The following TMPRSS11F variants were observed in gnomAD, a reference collection of about 807,000 sequenced individuals.
TMPRSS11F encodes transmembrane protease serine 11F.
Under a neutral mutation model 60.2 loss-of-function variants are expected in TMPRSS11F, and 47 were observed. That is an observed-to-expected ratio of 0.78 (90% confidence interval 0.62 to 1.00). The LOEUF (loss-of-function observed/expected upper bound fraction) is 1.00. TMPRSS11F is among the 50% of genes least tolerant of loss of function. TMPRSS11F has a pLI of 0.00. For synonymous variants in TMPRSS11F, 166 were observed against 167.3 expected, an observed-to-expected ratio of 0.99 and a Z score of 0.06; for missense variants, 519 against 522.9, an observed-to-expected ratio of 0.99 and a Z score of 0.07.
intron 1 of TMPRSS11F, among the ~76,000 whole-genome samples, chr4:68,105,015 C>A (rs951665414): frequency 1.5e-5 from 2 of 135,872 alleles, no homozygotes; most frequent in African/African-American, 5.5e-5. Flanking sequence ...GTGATGCTGG[C>A]CTTGTAAAAT....
chr4:68,084,344 A>G (rs1245575478), intron 3 of TMPRSS11F, among the ~76,000 whole-genome samples: 3 of 152,198 alleles, frequency 2.0e-5, no homozygotes, highest in Non-Finnish European at 4.4e-5. Flanking sequence ...ATATAAGACA[A>G]CAATCCTCAA....
intron 1 of TMPRSS11F, among the ~76,000 whole-genome samples, chr4:68,113,727 AG>A (rs1391147791): frequency 6.6e-6 from 1 of 152,190 alleles, no homozygotes; most frequent in Non-Finnish European, 1.5e-5. Context: ...CTGATAAAGT[AG>A]ACAAAAATTG....
intron 8 of TMPRSS11F, chr4:68,062,839 C>T (rs1248134531): frequency 3.9e-6 from 3 of 772,490 alleles, no homozygotes; most frequent in Non-Finnish European, 7.1e-6. Context: ...GTAGAGTTAA[C>T]TTAACATATG....
At chr4:68,091,790 T>C (rs1723943555) in intron 2 of TMPRSS11F, among the ~76,000 whole-genome samples, 1 of 68,848 alleles carries the variant, frequency 1.5e-5, no homozygotes, top group South Asian at 5.1e-4. Context: ...TCTCTATCTA[T>C]CTATCTATCT....
intron 2 of TMPRSS11F, among the ~76,000 whole-genome samples, chr4:68,092,102 A>G (rs982935342): frequency 6.6e-6 from 1 of 152,110 alleles, no homozygotes; most frequent in African/African-American, 2.4e-5. Context: ...CCAATCTCTT[A>G]CTGCATTTTA....
Position 68,098,872 on chromosome 4 carries a change from G to A in TMPRSS11F, c.163+15C>T. On this transcript the variant is annotated intron_variant, in intron 2 of 9. Coordinates refer to ENST00000356291, the MANE Select transcript of TMPRSS11F (RefSeq NM_207407.2). ...TGGAGTACTTAGGCAATGGAACTGT[G>A]ACCTGGATACTTACCCTCAACAACA... The A allele has an allele frequency of 6.2e-7, 1 of 1,602,802 alleles. No homozygotes were observed. Among genetic ancestry groups the A allele is most frequent in the Non-Finnish European group, 8.5e-7 (1 of 1,174,634 alleles).
intron 1 of TMPRSS11F, among the ~76,000 whole-genome samples, chr4:68,107,545 C>T (rs922228114): frequency 6.6e-6 from 1 of 152,034 alleles, no homozygotes; most frequent in African/African-American, 2.4e-5. Context: ...GAGGTAGGAG[C>T]AGACTTGGTG....
At chr4:68,129,042 G>A (rs578159136) in intron 1 of TMPRSS11F, among the ~76,000 whole-genome samples, 1 of 152,212 alleles carries the variant, frequency 6.6e-6, no homozygotes, top group African/African-American at 2.4e-5. Flanking sequence ...CAGAACATGT[G>A]GGAAATTTGT....
At chr4:68,078,516 TTA>T (rs1384144295) in intron 3 of TMPRSS11F, among the ~76,000 whole-genome samples, 2 of 152,198 alleles carry the variant, frequency 1.3e-5, no homozygotes, top group East Asian at 3.8e-4. Flanking sequence ...GGAGTGTGAT[TTA>T]TGTTTATATA....
intron 1 of TMPRSS11F, among the ~76,000 whole-genome samples, chr4:68,116,436 G>A (rs1298299689): frequency 6.6e-6 from 1 of 151,980 alleles, no homozygotes; most frequent in Non-Finnish European, 1.5e-5. Context: ...CAATCTACAG[G>A]TTCAATGCAA....
chr4:68,059,373 C>T lies in TMPRSS11F; in HGVS notation c.1111G>A (p.Gly371Arg), dbSNP rs1238888965. 3 of 1,613,814 alleles carry T rather than the reference C, an allele frequency of 1.9e-6. No individual in the cohort carries two copies. In the South Asian group the frequency reaches 3.3e-5, roughly 18 times the overall value. Reference sequence around the variant, plus strand: ...TCCATGAATCCAGCACATAACATTCCTGGAGTTATCAGGCCATCATACACA... The same window carrying T: ...TCCATGAATCCAGCACATAACATTCTTGGAGTTATCAGGCCATCATACACA... ...KDVYDGLITP[G>R]MLCAGFMEGK... is the part of the protein sequence containing the mutation. Residue 371 changes from glycine to arginine, a missense_variant, in exon 9 of 10, where the codon GGA becomes AGA. Physicochemically the swap from Gly to Arg is moderately radical, Grantham distance 125. Coordinates refer to ENST00000356291, the MANE Select transcript of TMPRSS11F (RefSeq NM_207407.2).
At chr4:68,099,420 A>C (rs1380272366) in intron 1 of TMPRSS11F, among the ~76,000 whole-genome samples, 1 of 152,208 alleles carries the variant, frequency 6.6e-6, no homozygotes. Flanking sequence ...TTACTTTGGA[A>C]GACCTGATCA....
Position 68,098,982 on chromosome 4 carries a change from T to C in TMPRSS11F, c.68A>G (p.Gln23Arg), listed in dbSNP as rs750509395. The C allele has an allele frequency of 5.0e-6, 8 of 1,613,264 alleles. No homozygotes were observed. In the African/African-American group the frequency reaches 1.1e-4, roughly 22 times the overall value. ...AGCTAGCCGTACTGAGTCCCAAAAT[T>C]GCTGCTTTCTTTGATATTCAGCTCG... ...FSRAEYQRKQ[Q>R]FWDSVRLALF... The change falls in exon 2 of 10, where the codon CAA (glutamine) becomes CGA (arginine). Residue 23 changes from glutamine to arginine, a missense_variant. By Grantham distance (43) the Gln-to-Arg change is conservative. Transcript: ENST00000356291.
chr4:68,083,042 A>T (rs1214658960), intron 3 of TMPRSS11F, among the ~76,000 whole-genome samples: 1 of 152,186 alleles, frequency 6.6e-6, no homozygotes, highest in Non-Finnish European at 1.5e-5. Flanking sequence ...CAGCTATCTG[A>T]TGGGCAAAAA....
chr4:68,060,557 G>GT (rs1272532238), intron 8 of TMPRSS11F, among the ~76,000 whole-genome samples: 5 of 15,624 alleles, frequency 3.2e-4, no homozygotes, highest in African/African-American at 4.2e-4. Context: ...ATTAACACTA[G>GT]TTTTTTTTTC....
chr4:68,053,555 T>A lies in TMPRSS11F; in HGVS notation c.*354A>T. 1 of 169,872 alleles carries A rather than the reference T, an allele frequency of 5.9e-6. No individual in the cohort carries two copies. The highest frequency in any genetic ancestry group is 1.6e-4 in the East Asian group (1 of 6,134). The allele number at this position is 169,872 out of a possible 1,614,324, so 10.5% of individuals were successfully genotyped here. ...AATCTCACATGCTCCAGGTATTATATGAGGTAAGATTTTGGCATTACTGGC... is the reference window on the plus strand; with the variant it reads ...AATCTCACATGCTCCAGGTATTATAAGAGGTAAGATTTTGGCATTACTGGC... On this transcript the variant is annotated 3_prime_UTR_variant, in exon 10 of 10. Coordinates refer to ENST00000356291, the MANE Select transcript of TMPRSS11F (RefSeq NM_207407.2).
chr4:68,078,087 A>T (rs1723622739), intron 3 of TMPRSS11F, among the ~76,000 whole-genome samples: 1 of 152,094 alleles, frequency 6.6e-6, no homozygotes, highest in South Asian at 2.1e-4. Context: ...GAAGCGGTGG[A>T]TGGTCCCCTG....
Position 68,080,428 on chromosome 4 carries a change from C to T in TMPRSS11F, c.283-6419G>A, listed in dbSNP as rs188898021. On this transcript the variant is annotated intron_variant, in intron 3 of 9. Coordinates refer to ENST00000356291, the MANE Select transcript of TMPRSS11F (RefSeq NM_207407.2). ...ATTGCACTGAGTGGGGAGGTGTACC[C>T]ATACCCCAGCTTCGAGAATTGACTG... is the stretch of plus-strand genomic sequence containing the variant. 15 of 152,302 alleles carry T rather than the reference C, an allele frequency of 9.8e-5. 1 individual carries two copies. The highest frequency in any genetic ancestry group is 3.4e-4 in the African/African-American group (14 of 41,558). The allele number at this position is 152,302 out of a possible 1,614,324, so 9.4% of individuals were successfully genotyped here.
In TMPRSS11F at chr4:68,121,322, A is replaced by C. The variant is rs1043475969; in HGVS notation, c.11+8488T>G. Among the ~76,000 whole-genome samples the C allele has an allele frequency of 4.6e-5, 7 of 152,346 alleles. No homozygotes were observed. The South Asian group carries it at 1.2e-3, about 27-fold the overall frequency. On this transcript the variant is annotated intron_variant, in intron 1 of 9. Transcript: ENST00000356291. Reference sequence around the variant, plus strand: ...TGAGTATGCGAAAACACCTAAGGAGACAAAAACAGAATTAAAATAGTGACT... The same window carrying C: ...TGAGTATGCGAAAACACCTAAGGAGCCAAAAACAGAATTAAAATAGTGACT...
Sources: gnomAD v4.1 joint callset for allele counts (sites outside exome capture counted in the v4.1 genomes callset) on GRCh38, gnomAD v4.1.1 for gene constraint, MANE v1.5 for transcripts, NCBI Gene and HGNC (gene_info 2026-07-23, HGNC 2026-07-21) for gene names.